ZNF521: variants seen among roughly 807,000 people sequenced by gnomAD.
ZNF521 encodes the protein zinc finger protein 521.
In ZNF521, 14 loss-of-function variants were observed where a neutral mutation model predicts 105.5. The ratio of observed to expected loss-of-function variants is 0.13; its 90% CI spans 0.09 to 0.21. The LOEUF (loss-of-function observed/expected upper bound fraction) is 0.21, where lower values mean the gene tolerates loss of function less well. Ranked by LOEUF, ZNF521 falls within the 10% of genes least tolerant of loss-of-function variation. The probability of loss-of-function intolerance (pLI) is 1.00; values close to 1 mark genes in which losing one functional copy is unlikely to be tolerated. For missense variants in ZNF521, 1,233 were observed against 1,629.7 expected (o/e 0.76, Z 4.19); for synonymous variants, 635 against 606.0 (o/e 1.05, Z -0.70).
intron 3 of ZNF521, among the ~76,000 whole-genome samples, chr18:25,275,813 C>G (rs1909993046): frequency 6.6e-6 from 1 of 152,132 alleles, no homozygotes; most frequent in Non-Finnish European, 1.5e-5. Flanking sequence ...AGGGGTGACC[C>G]TTTTTGCAGC....
chr18:25,164,395 A>T (rs937410700), intron 5 of ZNF521, among the ~76,000 whole-genome samples: 1 of 152,194 alleles, frequency 6.6e-6, no homozygotes, highest in African/African-American at 2.4e-5. Context: ...AAGCCTGTAC[A>T]TGAAACACTT....
intron 7 of ZNF521, among the ~76,000 whole-genome samples, chr18:25,080,159 T>C (rs1387369431): frequency 6.6e-6 from 1 of 152,212 alleles, no homozygotes; most frequent in African/African-American, 2.4e-5. Context: ...TTGGCCCTCC[T>C]ATGGGAAAGC....
At chr18:25,297,284 C>A (rs1019620290) in intron 3 of ZNF521, among the ~76,000 whole-genome samples, 1 of 151,808 alleles carries the variant, frequency 6.6e-6, no homozygotes, top group Non-Finnish European at 1.5e-5. Context: ...GCACAAATAC[C>A]TGGCATTTAC....
At chr18:25,187,814 C>T (rs1302778034) in intron 5 of ZNF521, among the ~76,000 whole-genome samples, 2 of 152,108 alleles carry the variant, frequency 1.3e-5, no homozygotes, top group African/African-American at 4.8e-5. Flanking sequence ...GAAAATCGTA[C>T]CATCTACAGG....
At chr18:25,145,546 T>G (rs1008825291) in intron 5 of ZNF521, among the ~76,000 whole-genome samples, 1 of 152,056 alleles carries the variant, frequency 6.6e-6, no homozygotes, top group African/African-American at 2.4e-5. Context: ...ATTTGAGTGG[T>G]AGGAGTGCTC....
At chr18:25,252,930 G>A (rs1335306309) in intron 3 of ZNF521, among the ~76,000 whole-genome samples, 2 of 152,118 alleles carry the variant, frequency 1.3e-5, no homozygotes, top group African/African-American at 2.4e-5. Context: ...TGGTTAAAGG[G>A]TGTATGCTAA....
chr18:25,179,864 C>T (rs748155434), intron 5 of ZNF521, among the ~76,000 whole-genome samples: 1 of 152,018 alleles, frequency 6.6e-6, no homozygotes, highest in Non-Finnish European at 1.5e-5. Context: ...GTGACACACA[C>T]ACATTTAAAT....
chr18:25,073,503 G>A lies in ZNF521; in HGVS notation c.3907-10762C>T, dbSNP rs2033276409. Among the ~76,000 whole-genome samples, 4 of 152,306 alleles carry A rather than the reference G, an allele frequency of 2.6e-5. No individual in the cohort carries two copies. In the South Asian group the frequency reaches 8.3e-4, roughly 32 times the overall value. On this transcript the variant is annotated intron_variant, in intron 7 of 7. Transcript: ENST00000361524. ...TAGTTACACACTGAAAGATGGTGGAGCAGGGCATTGATTTAAAAACTGACT... is the reference window on the plus strand; with the variant it reads ...TAGTTACACACTGAAAGATGGTGGAACAGGGCATTGATTTAAAAACTGACT...
intron 3 of ZNF521, among the ~76,000 whole-genome samples, chr18:25,270,043 AAT>A (rs1909545298): frequency 6.6e-6 from 1 of 152,170 alleles, no homozygotes; most frequent in East Asian, 1.9e-4. Flanking sequence ...TACTCAGACT[AAT>A]AAAAAAGAAA....
intron 5 of ZNF521, among the ~76,000 whole-genome samples, chr18:25,097,255 G>A (rs187632958): frequency 2.0e-5 from 3 of 152,146 alleles, no homozygotes; most frequent in East Asian, 3.9e-4. Context: ...ACTCAGCCAC[G>A]ATAATTTGTT....
At chr18:25,103,867 G>A (rs549160663) in intron 5 of ZNF521, among the ~76,000 whole-genome samples, 23 of 152,104 alleles carry the variant, frequency 1.5e-4, no homozygotes, top group Admixed American at 4.6e-4. Context: ...CAAAAGACTC[G>A]TGGTAAGAAA....
At chr18:25,152,845 T>C (rs950398732) in intron 5 of ZNF521, among the ~76,000 whole-genome samples, 1 of 152,150 alleles carries the variant, frequency 6.6e-6, no homozygotes, top group Non-Finnish European at 1.5e-5. Context: ...CTGGCATTAA[T>C]GAAAACAGTG....
intron 5 of ZNF521, among the ~76,000 whole-genome samples, chr18:25,151,667 A>G (rs1455664259): frequency 6.6e-6 from 1 of 152,128 alleles, no homozygotes; most frequent in Non-Finnish European, 1.5e-5. Context: ...CTTCTCGCTT[A>G]GCAGTAGGGT....
chr18:25,192,187 G>A (rs933852509), intron 5 of ZNF521, among the ~76,000 whole-genome samples: 7 of 152,136 alleles, frequency 4.6e-5, no homozygotes, highest in African/African-American at 1.2e-4. Context: ...GTGGTGAAGA[G>A]GGAGGTTTTC....
chr18:25,106,006 G>T (rs897132611), intron 5 of ZNF521, among the ~76,000 whole-genome samples: 3 of 152,046 alleles, frequency 2.0e-5, no homozygotes, highest in African/African-American at 7.3e-5. Flanking sequence ...CAAAAATGTG[G>T]TATTCGTTTT....
intron 3 of ZNF521, among the ~76,000 whole-genome samples, chr18:25,312,945 C>T (rs940350466): frequency 6.6e-6 from 1 of 152,168 alleles, no homozygotes; most frequent in African/African-American, 2.4e-5. Flanking sequence ...TCAGCCCCAC[C>T]ACTTTCTCTA....
Position 25,227,230 on chromosome 18 carries a change from C to G in ZNF521, c.688G>C (p.Gly230Arg). Reference protein sequence around the residue: ...HMQVHERNKDGSQSGSRMEDW... With the variant: ...HMQVHERNKDRSQSGSRMEDW... ...TCCATCCTGGAACCGGACTGAGAGC[C>G]GTCCTTGTTCCTCTCATGAACCTGC... The change falls in exon 4 of 8, where the codon GGC (glycine) becomes CGC (arginine). Residue 230 changes from glycine to arginine, a missense_variant. Gly to Arg is a moderately radical substitution (Grantham distance 125). This residue lies in a region of ZNF521 where 380 missense variants were observed against 478.0 expected (regional missense o/e 0.80). Transcript: ENST00000361524. This position sits in a 1 kb window ranked among gnomAD's most constrained non-coding sequence, Gnocchi z 5.7. The G allele has an allele frequency of 6.2e-7, 1 of 1,614,174 alleles. No homozygotes were observed. The highest frequency in any genetic ancestry group is 8.5e-7 in the Non-Finnish European group (1 of 1,180,034).
chr18:25,312,349 C>T (rs1912353004), intron 3 of ZNF521, among the ~76,000 whole-genome samples: 1 of 152,012 alleles, frequency 6.6e-6, no homozygotes, highest in African/African-American at 2.4e-5. Flanking sequence ...GTTTTGATAG[C>T]GAATTTTACA....
intron 3 of ZNF521, among the ~76,000 whole-genome samples, chr18:25,316,847 C>CTTTTT (rs200212987): frequency 1.6e-5 from 2 of 126,980 alleles, no homozygotes; most frequent in African/African-American, 2.9e-5. Flanking sequence ...GCAAGTAAGA[C>CTTTTT]TTTTTTTTTT....
Sources: gnomAD v4.1 joint callset for allele counts (sites outside exome capture counted in the v4.1 genomes callset) on GRCh38, gnomAD v4.1.1 for gene constraint, gnomAD v4.1.1 regional missense constraint, Gnocchi (gnomAD v3.1) non-coding constraint, MANE v1.5 for transcripts, NCBI Gene and HGNC (gene_info 2026-07-23, HGNC 2026-07-21) for gene names.